VTI1A: variants seen among roughly 807,000 people sequenced by gnomAD.
The protein encoded by VTI1A is vesicle transport through interaction with t-SNAREs homolog 1A.
In VTI1A, 22 loss-of-function variants were observed where a neutral mutation model predicts 34.9. That is an observed-to-expected ratio of 0.63 (90% CI 0.45 to 0.90). VTI1A has a LOEUF of 0.90. VTI1A is among the 40% of genes least tolerant of loss of function. The probability of loss-of-function intolerance (pLI) is 0.00; values close to 1 mark genes in which losing one functional copy is unlikely to be tolerated. For synonymous variants in VTI1A, 87 were observed against 97.3 expected (o/e 0.89, Z 0.62); for missense variants, 268 against 275.6 (o/e 0.97, Z 0.20).
intron 5 of VTI1A, among the ~76,000 whole-genome samples, chr10:112,595,431 C>G (rs1235668859): frequency 6.6e-6 from 1 of 151,928 alleles, no homozygotes; most frequent in Admixed American, 6.6e-5. Context: ...GGGCTAATAT[C>G]CAGAATCTAC....
chr10:112,515,342 CAT>C (rs367954382), intron 3 of VTI1A, among the ~76,000 whole-genome samples: 95 of 152,106 alleles, frequency 6.2e-4, no homozygotes, highest in African/African-American at 2.1e-3. Flanking sequence ...GATGAGTAGA[CAT>C]ATTATTTTCA....
chr10:112,699,170 A>G (rs7088368), intron 7 of VTI1A, among the ~76,000 whole-genome samples: 58,089 of 152,210 alleles, frequency 0.38, 14,073 homozygotes, highest in African/African-American at 0.69. Flanking sequence ...GATGGCAGTT[A>G]CCATCACTTT....
intron 5 of VTI1A, among the ~76,000 whole-genome samples, chr10:112,623,675 C>T (rs1241894375): frequency 1.3e-5 from 2 of 152,100 alleles, no homozygotes; most frequent in African/African-American, 4.8e-5. Flanking sequence ...GGACTTACTA[C>T]CCAAGCCTGG....
In VTI1A at chr10:112,518,285, G is replaced by T. The variant is rs149063987; in HGVS notation, c.265-8802G>T. On this transcript the variant is annotated intron_variant, in intron 3 of 7. Transcript: ENST00000393077. ...TCAGACCTTTGTGATGACCTTGAGC[G>T]GTAGGATATAAATAACTCCCACAAG... Among the ~76,000 whole-genome samples the T allele has an allele frequency of 7.2e-3, 1,099 of 152,006 alleles. 19 individuals are homozygous for T. Among genetic ancestry groups the T allele is most frequent in the African/African-American group, 0.025 (1,045 of 41,476 alleles).
chr10:112,769,178 A>G (rs1334021549), intron 7 of VTI1A, among the ~76,000 whole-genome samples: 2 of 152,168 alleles, frequency 1.3e-5, no homozygotes, highest in African/African-American at 4.8e-5. Context: ...AATTACATCC[A>G]CAAGTAAGTT....
At chr10:112,608,072 C>A (rs999292964) in intron 5 of VTI1A, among the ~76,000 whole-genome samples, 2 of 152,162 alleles carry the variant, frequency 1.3e-5, no homozygotes, top group Admixed American at 6.5e-5. Flanking sequence ...GGTGTCTGCT[C>A]CCAAAAGGTA....
At chr10:112,819,048 T>G (rs1165852203), downstream of VTI1A, among the ~76,000 whole-genome samples, 1 of 152,204 alleles carries the variant, frequency 6.6e-6, no homozygotes, top group Non-Finnish European at 1.5e-5. Flanking sequence ...GTTAACCCCT[T>G]TAAATGACTT....
intron 4 of VTI1A, among the ~76,000 whole-genome samples, chr10:112,536,818 C>T (rs1314448868): frequency 6.6e-6 from 1 of 150,914 alleles, no homozygotes; most frequent in African/African-American, 2.4e-5. Context: ...AACGTCTGGC[C>T]GCATCTCAGA....
chr10:112,693,720 C>T (rs930918326), intron 7 of VTI1A, among the ~76,000 whole-genome samples: 5 of 152,076 alleles, frequency 3.3e-5, no homozygotes, highest in African/African-American at 1.2e-4. Context: ...AGAGGAAGCA[C>T]AAAAGGTAAA....
intron 3 of VTI1A, among the ~76,000 whole-genome samples, chr10:112,525,119 A>G (rs1850173728): frequency 6.6e-6 from 1 of 152,158 alleles, no homozygotes; most frequent in African/African-American, 2.4e-5. Flanking sequence ...GCGATGGTCA[A>G]AAGTCTGGCA....
chr10:112,650,158 T>C (rs1392926166), intron 5 of VTI1A, among the ~76,000 whole-genome samples: 3 of 152,250 alleles, frequency 2.0e-5, no homozygotes, highest in Admixed American at 1.3e-4. Flanking sequence ...AAACACATTG[T>C]ACAGCTGTAC....
intron 5 of VTI1A, among the ~76,000 whole-genome samples, chr10:112,638,874 CTG>C (rs1177232846): frequency 2.8e-5 from 4 of 144,234 alleles, no homozygotes; most frequent in Non-Finnish European, 4.5e-5. Context: ...TAAATAAAAA[CTG>C]TACTAGAAAT....
intron 7 of VTI1A, among the ~76,000 whole-genome samples, chr10:112,708,334 T>A (rs1297172108): frequency 6.6e-6 from 1 of 152,252 alleles, no homozygotes; most frequent in Non-Finnish European, 1.5e-5. Context: ...GCATTGTTTA[T>A]ACATGGGCAT....
chr10:112,612,129 C>T (rs1845340614), intron 5 of VTI1A, among the ~76,000 whole-genome samples: 1 of 151,918 alleles, frequency 6.6e-6, no homozygotes, highest in Non-Finnish European at 1.5e-5. Flanking sequence ...GCCATTTTAT[C>T]GTAAGTTTGA....
At chr10:112,736,788 A>G in intron 7 of VTI1A, 1 of 1,488,716 alleles carries the variant, frequency 6.7e-7, no homozygotes, top group Non-Finnish European at 9.2e-7. Context: ...AGAACCAGCC[A>G]GTGGAAATTA....
chr10:112,521,409 G>T (rs1055747194), intron 3 of VTI1A, among the ~76,000 whole-genome samples: 2 of 151,944 alleles, frequency 1.3e-5, no homozygotes, highest in Admixed American at 6.6e-5. Flanking sequence ...TATACTTTCA[G>T]CCATGTATGC....
chr10:112,657,443 A>G (rs1173927213), intron 5 of VTI1A, among the ~76,000 whole-genome samples: 4 of 152,156 alleles, frequency 2.6e-5, no homozygotes, highest in Non-Finnish European at 5.9e-5. Flanking sequence ...GTCAGTGTAA[A>G]CATTTGTCCA....
chr10:112,604,541 A>T (rs1440251605), intron 5 of VTI1A, among the ~76,000 whole-genome samples: 2 of 152,206 alleles, frequency 1.3e-5, no homozygotes, highest in South Asian at 4.1e-4. Flanking sequence ...TGGGGCTTTC[A>T]TATAACTTGA....
intron 5 of VTI1A, among the ~76,000 whole-genome samples, chr10:112,618,528 G>T (rs867072365): frequency 1.2e-4 from 14 of 118,564 alleles, no homozygotes; most frequent in South Asian, 6.0e-4. Context: ...TATATATAGA[G>T]AGAGAGAGAG....
Sources: allele counts gnomAD v4.1 joint callset (sites outside exome capture counted in the v4.1 genomes callset), GRCh38; gene constraint gnomAD v4.1.1; transcripts MANE v1.5; gene names NCBI Gene and HGNC (gene_info 2026-07-23, HGNC 2026-07-21).